CCDC149: variants seen among roughly 807,000 people sequenced by gnomAD.
The protein encoded by CCDC149 is coiled-coil domain-containing protein 149.
CCDC149 carries 45 observed loss-of-function variants against 59.9 expected under a neutral mutation model. That is an observed-to-expected ratio of 0.75 (90% CI 0.59 to 0.96). The LOEUF is 0.96. Among genes scored for constraint, CCDC149 ranks in the 40% least tolerant of loss-of-function variants. The pLI is 0.00. For missense variants in CCDC149, 584 were observed against 664.7 expected (o/e 0.88, Z 1.33); for synonymous variants, 245 against 260.6 (o/e 0.94, Z 0.58).
At chr4:24,813,507 T>C (rs1445232739) in intron 12 of CCDC149, among the ~76,000 whole-genome samples, 1 of 142,994 alleles carries the variant, frequency 7.0e-6, no homozygotes, top group Non-Finnish European at 1.5e-5. Flanking sequence ...TATATATATA[T>C]ATATATATAT....
chr4:24,883,924 T>C (rs1015388403), intron 1 of CCDC149, among the ~76,000 whole-genome samples: 1 of 152,172 alleles, frequency 6.6e-6, no homozygotes, highest in Non-Finnish European at 1.5e-5. Context: ...CATTACACAT[T>C]CCAGGTTCTT....
chr4:24,813,528 A>ATATATATATAT (rs1560197749), intron 12 of CCDC149, among the ~76,000 whole-genome samples: 30 of 129,806 alleles, frequency 2.3e-4, no homozygotes, highest in South Asian at 7.4e-4. Context: ...ATATATATAT[A>ATATATATATAT]AAACCTAAAA....
At chr4:24,835,329 C>T (rs1319364299) in intron 7 of CCDC149, among the ~76,000 whole-genome samples, 1 of 152,174 alleles carries the variant, frequency 6.6e-6, no homozygotes, top group African/African-American at 2.4e-5. Flanking sequence ...AACAAGAATG[C>T]AGCCTAACAT....
intron 1 of CCDC149, among the ~76,000 whole-genome samples, chr4:24,973,717 G>C (rs1475388147): frequency 6.6e-6 from 1 of 152,202 alleles, no homozygotes. Context: ...GAGACAATAC[G>C]TGTGTGTGAG....
intron 1 of CCDC149, among the ~76,000 whole-genome samples, chr4:24,903,136 C>A (rs926087115): frequency 6.6e-6 from 1 of 150,876 alleles, no homozygotes; most frequent in Non-Finnish European, 1.5e-5. Context: ...CCATATATCT[C>A]TCCCCCTTTT....
chr4:24,920,474 G>A lies in CCDC149; in HGVS notation c.-64-25356C>T, dbSNP rs549304873. ...GCTTCCCAAGAGCTAATGTTCCAAGGGAGAGGAAACAGAAGTTACCAGTCC... is the reference window on the plus strand; with the variant it reads ...GCTTCCCAAGAGCTAATGTTCCAAGAGAGAGGAAACAGAAGTTACCAGTCC... On this transcript the variant is annotated intron_variant, in intron 1 of 12. Coordinates refer to the CCDC149 transcript ENST00000389609. Among the ~76,000 whole-genome samples, 4 of 152,334 alleles carry A rather than the reference G, an allele frequency of 2.6e-5. No individual in the cohort carries two copies. The East Asian group carries it at 7.7e-4, about 29-fold the overall frequency.
rs186954764 is a variant in CCDC149, at chr4:24,838,383, C to T, written c.373-111G>A. The T allele has an allele frequency of 2.2e-5, 16 of 735,564 alleles. No homozygotes were observed. The Admixed American group carries it at 2.6e-4, about 12-fold the overall frequency. The allele number at this position is 735,564 out of a possible 1,614,324, so 45.6% of individuals were successfully genotyped here. Reference sequence around the variant, plus strand: ...GAAGATAAGATACTTTCAAGAAATACTGGAGAAAGCACAAAACAATTACTT... The same window carrying T: ...GAAGATAAGATACTTTCAAGAAATATTGGAGAAAGCACAAAACAATTACTT... On this transcript the variant is annotated intron_variant, in intron 4 of 12. Coordinates refer to ENST00000635206, the MANE Select transcript of CCDC149 (RefSeq NM_001330643.2).
At chr4:24,969,546 A>G (rs1723900088) in intron 1 of CCDC149, among the ~76,000 whole-genome samples, 1 of 152,154 alleles carries the variant, frequency 6.6e-6, no homozygotes, top group Admixed American at 6.5e-5. Context: ...ATAATGGGTT[A>G]CCCTCATATG....
intron 1 of CCDC149, among the ~76,000 whole-genome samples, chr4:24,907,611 C>T (rs564318317): frequency 1.2e-4 from 18 of 152,278 alleles, no homozygotes; most frequent in African/African-American, 4.1e-4. Context: ...TAAAGCCAGG[C>T]AGCAAGCAGA....
intron 3 of CCDC149, among the ~76,000 whole-genome samples, chr4:24,859,884 C>T (rs1257012451): frequency 6.6e-6 from 1 of 152,068 alleles, no homozygotes; most frequent in Admixed American, 6.6e-5. Context: ...TATGCCGAAC[C>T]AAGGAGATGA....
intron 3 of CCDC149, among the ~76,000 whole-genome samples, chr4:24,872,736 C>T (rs1328849158): frequency 5.3e-5 from 8 of 151,706 alleles, no homozygotes; most frequent in African/African-American, 1.9e-4. Flanking sequence ...AAATGGTAAG[C>T]ACCCACAGAA....
At chr4:24,831,708 A>C in intron 8 of CCDC149, 58 bp from the exon 9 acceptor site, 1 of 1,500,858 alleles carries the variant, frequency 6.7e-7, no homozygotes, top group African/African-American at 1.4e-5. Context: ...GCTGGAATGC[A>C]AACCAATGTC....
chr4:24,813,489 A>AATAT (rs57650226), intron 12 of CCDC149, among the ~76,000 whole-genome samples: 1,618 of 113,550 alleles, frequency 0.014, 6 homozygotes, highest in Non-Finnish European at 0.018. Context: ...CAGCTTGGGG[A>AATAT]ATATATATAT....
intron 1 of CCDC149, among the ~76,000 whole-genome samples, chr4:24,906,945 C>G (rs1721572247): frequency 6.6e-6 from 1 of 152,056 alleles, no homozygotes; most frequent in African/African-American, 2.4e-5. Context: ...CAAAAACAGC[C>G]CACCCCAGCA....
At position 24,973,811 on chromosome 4, in the gene CCDC149, G is replaced by A. The variant is rs149530927; in HGVS notation, c.-65+6258C>T. ...AACGTTATCCACAGTCCACCAGGCA[G>A]GCTGAGAGCTGCTTCTTAACCAGCA... is the stretch of plus-strand genomic sequence containing the variant. On this transcript the variant is annotated intron_variant, in intron 1 of 12. Coordinates refer to the CCDC149 transcript ENST00000389609. Among the ~76,000 whole-genome samples the A allele has an allele frequency of 2.4e-3, 362 of 152,346 alleles. 2 individuals are homozygous for A. The highest frequency in any genetic ancestry group is 8.1e-3 in the African/African-American group (338 of 41,584).
At chr4:24,905,103 T>C (rs1721394549) in intron 1 of CCDC149, among the ~76,000 whole-genome samples, 1 of 152,190 alleles carries the variant, frequency 6.6e-6, no homozygotes, top group African/African-American at 2.4e-5. Flanking sequence ...GGTTTCACCA[T>C]GTTGGTCAGG....
At chr4:24,943,260 C>T (rs539454514) in intron 1 of CCDC149, among the ~76,000 whole-genome samples, 13 of 152,148 alleles carry the variant, frequency 8.5e-5, no homozygotes, top group African/African-American at 2.4e-4. Context: ...GAAATAATGC[C>T]GCATATCTAC....
At chr4:24,856,323 T>C (rs1034222075) in intron 3 of CCDC149, among the ~76,000 whole-genome samples, 3 of 152,208 alleles carry the variant, frequency 2.0e-5, no homozygotes, top group South Asian at 2.1e-4. Context: ...ACCCTTGCCC[T>C]TAGAAACTGA....
chr4:24,867,467 T>A (rs1226456748), intron 3 of CCDC149, among the ~76,000 whole-genome samples: 1 of 152,254 alleles, frequency 6.6e-6, no homozygotes, highest in African/African-American at 2.4e-5. Context: ...CATGCAGGCA[T>A]GCATATATGC....
Sources: allele counts gnomAD v4.1 joint callset (sites outside exome capture counted in the v4.1 genomes callset), GRCh38; gene constraint gnomAD v4.1.1; transcripts MANE v1.5; gene names NCBI Gene and HGNC (gene_info 2026-07-23, HGNC 2026-07-21).